Variants in EYS observed in about 807,000 individuals in gnomAD.
EYS encodes protein eyes shut homolog.
A neutral mutation model predicts 282.1 loss-of-function variants in EYS; 250 were observed. The observed-to-expected ratio is 0.89, with a 90% CI of 0.80 to 0.98. EYS has a LOEUF of 0.98. Among genes scored for constraint, EYS ranks in the 50% least tolerant of loss-of-function variants. EYS has a pLI of 0.00. For synonymous variants in EYS, 1,355 were observed against 1,282.9 expected (o/e 1.06, Z -1.20); for missense variants, 4,016 against 3,709.0 (o/e 1.08, Z -2.15).
At chr6:64,864,385 C>CTTTTTTTTTTTTTTTTTTTTTTT (rs769240399) in intron 19 of EYS, among the ~76,000 whole-genome samples, 971 of 57,182 alleles carry the variant, frequency 0.017, 240 homozygotes, top group Non-Finnish European at 0.024. Context: ...GCTATACCTT[C>CTTTTTTTTTTTTTTTTTTTTTTT]TTTTTTTTTT....
chr6:64,901,209 G>A (rs1767649738), intron 18 of EYS, among the ~76,000 whole-genome samples: 1 of 150,544 alleles, frequency 6.6e-6, no homozygotes, highest in Non-Finnish European at 1.5e-5. Flanking sequence ...ATGGACACAG[G>A]GAGGGGAACA....
At chr6:65,117,345 G>A (rs1229498272) in intron 12 of EYS, among the ~76,000 whole-genome samples, 1 of 152,118 alleles carries the variant, frequency 6.6e-6, no homozygotes, top group Admixed American at 6.5e-5. Flanking sequence ...AACAGGTATA[G>A]GACAAACATG....
intron 29 of EYS, among the ~76,000 whole-genome samples, chr6:64,347,579 T>C (rs569893047): frequency 1.7e-5 from 2 of 115,030 alleles, no homozygotes; most frequent in South Asian, 3.1e-4. Flanking sequence ...ATGCATATGT[T>C]TGAAGATACG....
At chr6:64,314,194 C>CAAAAAAAAAAAAAAAA (rs138447983) in intron 29 of EYS, among the ~76,000 whole-genome samples, 15 of 27,670 alleles carry the variant, frequency 5.4e-4, no homozygotes, top group East Asian at 2.8e-3. Context: ...AAATGGAAAG[C>CAAAAAAAAAAAAAAAA]AAAAAAAAAA....
chr6:64,391,997 T>C (rs1245713850), intron 28 of EYS, among the ~76,000 whole-genome samples: 1 of 151,588 alleles, frequency 6.6e-6, no homozygotes, highest in Non-Finnish European at 1.5e-5. Context: ...TAAAACAGAC[T>C]TTAAACCAAC....
At chr6:65,120,158 A>AAAAAAC (rs1775493223) in intron 12 of EYS, among the ~76,000 whole-genome samples, 2 of 150,316 alleles carry the variant, frequency 1.3e-5, no homozygotes, top group Non-Finnish European at 3.0e-5. Flanking sequence ...TCTCAAAAAA[A>AAAAAAC]AAAAAAAACA....
At chr6:64,303,649 T>C (rs1241754125) in intron 30 of EYS, among the ~76,000 whole-genome samples, 1 of 151,808 alleles carries the variant, frequency 6.6e-6, no homozygotes, top group Non-Finnish European at 1.5e-5. Flanking sequence ...GAGACCATCC[T>C]GGCTAACACG....
At position 65,046,287 on chromosome 6, in the gene EYS, TC is replaced by T. The variant is rs556659412; in HGVS notation, c.2137+11326del. ...CTAAATTTTTATAATGGAAGACTCT[TC>T]CAGGGAAAAGAGACAGAACCTCAGT... On this transcript the variant is annotated intron_variant, in intron 13 of 42. Coordinates refer to ENST00000503581, the MANE Select transcript of EYS (RefSeq NM_001142800.2). Among the ~76,000 whole-genome samples the T allele has an allele frequency of 4.6e-5, 7 of 151,964 alleles. No homozygotes were observed. The South Asian group carries it at 1.5e-3, about 32-fold the overall frequency.
At chr6:65,033,889 CCTGGA>C (rs1349944113) in intron 13 of EYS, among the ~76,000 whole-genome samples, 4 of 152,134 alleles carry the variant, frequency 2.6e-5, no homozygotes, top group African/African-American at 9.7e-5. Context: ...GCACCCTGTG[CCTGGA>C]AAAGCTGCAA....
At chr6:65,102,282 A>G (rs1774916551) in intron 12 of EYS, among the ~76,000 whole-genome samples, 1 of 151,366 alleles carries the variant, frequency 6.6e-6, no homozygotes, top group Non-Finnish European at 1.5e-5. Context: ...AATGACTTAC[A>G]TTAATATTAA....
intron 12 of EYS, among the ~76,000 whole-genome samples, chr6:65,125,707 G>A (rs1775699935): frequency 1.3e-5 from 2 of 152,056 alleles, no homozygotes; most frequent in Non-Finnish European, 2.9e-5. Context: ...GAAAGTCTGT[G>A]TGCTTCCTAC....
At chr6:64,882,399 G>A (rs917655390) in intron 19 of EYS, among the ~76,000 whole-genome samples, 1 of 151,692 alleles carries the variant, frequency 6.6e-6, no homozygotes, top group African/African-American at 2.4e-5. Context: ...TTTGAGTTGT[G>A]AAAGTGAATT....
At chr6:65,655,934 G>A (rs1017903904) in intron 1 of EYS, among the ~76,000 whole-genome samples, 5 of 151,776 alleles carry the variant, frequency 3.3e-5, no homozygotes, top group Admixed American at 6.6e-5. Flanking sequence ...GAAGTACATT[G>A]GTGTCATTTT....
intron 31 of EYS, among the ~76,000 whole-genome samples, chr6:64,137,981 T>C (rs1774218755): frequency 6.6e-6 from 1 of 152,154 alleles, no homozygotes; most frequent in Non-Finnish European, 1.5e-5. Context: ...CTGTATTGGA[T>C]GAAAACTGCC....
At chr6:64,161,623 G>A (rs941172192) in intron 31 of EYS, among the ~76,000 whole-genome samples, 11 of 152,030 alleles carry the variant, frequency 7.2e-5, no homozygotes, top group Admixed American at 5.2e-4. Context: ...CAAACACTGG[G>A]GATAATGAGT....
At chr6:63,962,117 A>T (rs1766094085) in intron 35 of EYS, among the ~76,000 whole-genome samples, 1 of 152,186 alleles carries the variant, frequency 6.6e-6, no homozygotes, top group Non-Finnish European at 1.5e-5. Context: ...CTCAAGATGG[A>T]TTAAAGACTT....
At chr6:65,166,075 A>G (rs1050274171) in intron 12 of EYS, among the ~76,000 whole-genome samples, 2 of 151,226 alleles carry the variant, frequency 1.3e-5, no homozygotes, top group African/African-American at 4.8e-5. Context: ...AACTTCACTG[A>G]AAAAAGTTAA....
At chr6:63,755,293 G>A (rs1367538545) in intron 41 of EYS, among the ~76,000 whole-genome samples, 3 of 151,220 alleles carry the variant, frequency 2.0e-5, no homozygotes, top group Non-Finnish European at 4.4e-5. Context: ...AATCCATCTT[G>A]AAATAATTTT....
intron 22 of EYS, among the ~76,000 whole-genome samples, chr6:64,766,491 G>A (rs1373140856): frequency 6.8e-6 from 1 of 147,806 alleles, no homozygotes; most frequent in East Asian, 2.1e-4. Context: ...AATTAGATGG[G>A]CATGGTTGTG....
Sources: gnomAD v4.1 joint callset for allele counts (sites outside exome capture counted in the v4.1 genomes callset) on GRCh38, gnomAD v4.1.1 for gene constraint, MANE v1.5 for transcripts, NCBI Gene and HGNC (gene_info 2026-07-23, HGNC 2026-07-21) for gene names.